The following PELI1 variants were observed in gnomAD, a reference collection of about 807,000 sequenced individuals.
PELI1 encodes pellino E3 ubiquitin protein ligase 1.
PELI1 carries 15 observed loss-of-function variants against 41.3 expected under a neutral mutation model. The ratio of observed to expected loss-of-function variants is 0.36; its 90% CI spans 0.24 to 0.56. The LOEUF (loss-of-function observed/expected upper bound fraction) is 0.56. PELI1 is among the 20% of genes least tolerant of loss of function. The probability of loss-of-function intolerance (pLI) is 0.82; values close to 1 mark genes in which losing one functional copy is unlikely to be tolerated. For missense variants in PELI1, 403 were observed against 525.5 expected, an observed-to-expected ratio of 0.77 and a Z score of 2.28; for synonymous variants, 178 against 180.1, an observed-to-expected ratio of 0.99 and a Z score of 0.09.
At chr2:64,104,157 T>TA (rs1196919461) in intron 3 of PELI1, among the ~76,000 whole-genome samples, 3 of 152,232 alleles carry the variant, frequency 2.0e-5, no homozygotes, top group Admixed American at 2.0e-4. Flanking sequence ...TGATTCAACT[T>TA]AATAATTATT....
chr2:64,133,726 CCTCT>C (rs1056237384), intron 1 of PELI1, among the ~76,000 whole-genome samples: 78 of 152,146 alleles, frequency 5.1e-4, no homozygotes, highest in African/African-American at 1.8e-3. Context: ...TATTGCCTCT[CCTCT>C]CTATTTATTC....
rs369049244 is a variant in PELI1, at chr2:64,100,725, ACTTT to A, written c.202-230_202-227del. Among the ~76,000 whole-genome samples, 25 of 152,038 alleles carry A rather than the reference ACTTT, an allele frequency of 1.6e-4. 1 individual carries two copies. In the South Asian group the frequency reaches 4.1e-3, roughly 25 times the overall value. ...GAAGCAGTTACAGAATAAAAACATAACTTTCTTTCTTTTTTTTTAAAGACAGAGT... is the reference window on the plus strand; with the variant it reads ...GAAGCAGTTACAGAATAAAAACATAACTTTCTTTTTTTTTAAAGACAGAGT... On this transcript the variant is annotated intron_variant, in intron 3 of 6. Coordinates refer to ENST00000358912, the MANE Select transcript of PELI1 (RefSeq NM_020651.4).
intron 1 of PELI1, among the ~76,000 whole-genome samples, chr2:64,135,015 T>G (rs1681669209): frequency 6.6e-6 from 1 of 152,134 alleles, no homozygotes; most frequent in African/African-American, 2.4e-5. Context: ...TTACTTATCT[T>G]TTTATCTTTT....
intron 4 of PELI1, among the ~76,000 whole-genome samples, chr2:64,097,281 T>C (rs1037813933): frequency 1.3e-5 from 2 of 152,256 alleles, no homozygotes; most frequent in Non-Finnish European, 2.9e-5. Context: ...TCTTACTCTG[T>C]TATGGGTTGA....
intron 1 of PELI1, among the ~76,000 whole-genome samples, chr2:64,110,444 G>C (rs1037399988): frequency 2.0e-5 from 3 of 152,020 alleles, no homozygotes; most frequent in South Asian, 2.1e-4. Flanking sequence ...AGGAAAAATT[G>C]AGAGAATTTG....
chr2:64,143,480 C>T (rs1296999721), intron 1 of PELI1: 1 of 152,230 alleles, frequency 6.6e-6, no homozygotes, highest in South Asian at 2.1e-4. Flanking sequence ...GAGCTTTTCA[C>T]GACCTCAGTT....
chr2:64,144,094 G>A lies in PELI1; in HGVS notation c.-83C>T, dbSNP rs1284124340. 1 of 151,968 alleles carries A rather than the reference G, an allele frequency of 6.6e-6. No individual in the cohort carries two copies. Among genetic ancestry groups the A allele is most frequent in the Non-Finnish European group, 1.5e-5 (1 of 67,948 alleles). The allele number at this position is 151,968 out of a possible 1,614,324, so 9.4% of individuals were successfully genotyped here. On this transcript the variant is annotated 5_prime_UTR_variant, in exon 1 of 7. Transcript: ENST00000358912. ...GGTCACACTTACCGGACAATTGCTG[G>A]TGGCCGGGATCCCAGAGCGGCCCCC... is the stretch of plus-strand genomic sequence containing the variant.
At chr2:64,097,905 T>G (rs1680298528) in intron 4 of PELI1, among the ~76,000 whole-genome samples, 1 of 152,212 alleles carries the variant, frequency 6.6e-6, no homozygotes, top group Admixed American at 6.5e-5. Context: ...TTTTCTTTAT[T>G]CTTAAAAATA....
Position 64,094,730 on chromosome 2 carries a change from C to T in PELI1, c.1229G>A (p.Arg410Lys). Residue 410 changes from arginine to lysine, a missense_variant, in exon 7 of 7, where the codon AGA (arginine) becomes AAA (lysine). Transcript: ENST00000358912. ...HQLAGEQGYI[R>K]LIFQGPLD ...GTCTAGAGGTCCTTGAAAAATAAGT[C>T]TGATGTAGCCTTGTTCACCAGCCAA... 1 of 1,613,982 alleles carries T rather than the reference C, an allele frequency of 6.2e-7. No homozygotes were observed. The highest frequency in any genetic ancestry group is 8.5e-7 in the Non-Finnish European group (1 of 1,179,862).
chr2:64,142,316 C>T (rs1681938699), intron 1 of PELI1, among the ~76,000 whole-genome samples: 1 of 151,984 alleles, frequency 6.6e-6, no homozygotes, highest in African/African-American at 2.4e-5. Context: ...AAATAACGAA[C>T]ATCTCACTTT....
intron 1 of PELI1, 95 bp from the exon 2 acceptor site, chr2:64,108,474 T>C (rs772063194): frequency 2.5e-5 from 15 of 589,772 alleles, no homozygotes; most frequent in African/African-American, 5.6e-5. Flanking sequence ...CACAATATTA[T>C]GCAAACCATC....
intron 1 of PELI1, among the ~76,000 whole-genome samples, chr2:64,119,612 C>T (rs983905886): frequency 6.6e-5 from 10 of 152,112 alleles, no homozygotes; most frequent in African/African-American, 2.4e-4. Context: ...AGTGAGAATT[C>T]ACTTCTCCCT....
chr2:64,122,979 TAGG>T (rs1681272043), intron 1 of PELI1, among the ~76,000 whole-genome samples: 2 of 152,338 alleles, frequency 1.3e-5, no homozygotes, highest in South Asian at 4.1e-4. Flanking sequence ...ATGACAGTCA[TAGG>T]GCTAAGTAGT....
At chr2:64,116,634 A>C (rs1384648584) in intron 1 of PELI1, among the ~76,000 whole-genome samples, 1 of 152,236 alleles carries the variant, frequency 6.6e-6, no homozygotes, top group Non-Finnish European at 1.5e-5. Flanking sequence ...AGGAACTATT[A>C]TAACCCACAT....
rs1020108668 is a variant in PELI1, at chr2:64,093,922, G to C, written c.*780C>G. 1.4e-4 allele frequency: 21 copies of C among 152,570 alleles called. No homozygotes were observed. Among genetic ancestry groups the C allele is most frequent in the African/African-American group, 4.8e-4 (20 of 41,424 alleles). 9.5% of individuals were successfully genotyped at this position (152,570 alleles called of 1,614,324 possible). On this transcript the variant is annotated 3_prime_UTR_variant, in exon 7 of 7. Transcript: ENST00000358912. Reference sequence around the variant, plus strand: ...TCATGGGAGAAAAATAGATAATCTAGATTAAATTGCATATCCAAAGGAGCA... The same window carrying C: ...TCATGGGAGAAAAATAGATAATCTACATTAAATTGCATATCCAAAGGAGCA...
intron 1 of PELI1, among the ~76,000 whole-genome samples, chr2:64,127,144 G>C (rs1681416514): frequency 6.6e-6 from 1 of 152,170 alleles, no homozygotes; most frequent in African/African-American, 2.4e-5. Flanking sequence ...ATTTGTAAAA[G>C]TCCAGGTTGT....
chr2:64,100,321 ACC>A (rs1359886216), intron 4 of PELI1, 75 bp downstream of exon 4: 3 of 757,558 alleles, frequency 4.0e-6, no homozygotes, highest in Non-Finnish European at 7.1e-6. Context: ...TAATCCTCTG[ACC>A]TCAGCAAAAG....
chr2:64,111,409 AACT>A (rs201871506), intron 1 of PELI1, among the ~76,000 whole-genome samples: 2,837 of 152,288 alleles, frequency 0.019, 39 homozygotes, highest in Middle Eastern at 0.031. Flanking sequence ...ACTAACACAC[AACT>A]ACTATCATCA....
At chr2:64,117,106 T>C (rs1011349439) in intron 1 of PELI1, among the ~76,000 whole-genome samples, 1 of 152,082 alleles carries the variant, frequency 6.6e-6, no homozygotes, top group African/African-American at 2.4e-5. Flanking sequence ...CCTCCCTATT[T>C]CCTGGGACAC....
Sources: allele counts gnomAD v4.1 joint callset (sites outside exome capture counted in the v4.1 genomes callset), GRCh38; gene constraint gnomAD v4.1.1; transcripts MANE v1.5; gene names NCBI Gene and HGNC (gene_info 2026-07-23, HGNC 2026-07-21).